Variants in PPP3CA observed in about 807,000 individuals in gnomAD.
PPP3CA encodes the protein CAM-PRP catalytic subunit.
A neutral mutation model predicts 66.5 loss-of-function variants in PPP3CA; 14 were observed. The ratio of observed to expected loss-of-function variants is 0.21; its 90% CI spans 0.14 to 0.33. The LOEUF is 0.33. Ranked by LOEUF, PPP3CA falls within the 10% of genes least tolerant of loss-of-function variation. PPP3CA has a pLI of 1.00. For missense variants in PPP3CA, 317 were observed against 639.5 expected, an observed-to-expected ratio of 0.50 and a Z score of 5.44; for synonymous variants, 232 against 226.2, an observed-to-expected ratio of 1.03 and a Z score of -0.23.
Position 101,202,116 on chromosome 4 carries a change from G to C in PPP3CA, c.59-6000C>G, listed in dbSNP as rs996204096. Among the ~76,000 whole-genome samples, 10 of 152,266 alleles carry C rather than the reference G, an allele frequency of 6.6e-5. No homozygotes were observed. The East Asian group carries it at 1.9e-3, about 29-fold the overall frequency. Reference sequence around the variant, plus strand: ...AATATATAAGTAGTAAGAAAAAATTGTGTCTCTCTATCCTAAGGTTATGTC... The same window carrying C: ...AATATATAAGTAGTAAGAAAAAATTCTGTCTCTCTATCCTAAGGTTATGTC... On this transcript the variant is annotated intron_variant, in intron 1 of 13. Coordinates refer to ENST00000394854, the MANE Select transcript of PPP3CA (RefSeq NM_000944.5).
intron 1 of PPP3CA, among the ~76,000 whole-genome samples, chr4:101,313,907 T>C (rs182284120): frequency 1.3e-5 from 2 of 152,348 alleles, no homozygotes; most frequent in Admixed American, 1.3e-4. Context: ...AGCTGATTAG[T>C]GAACATATAA....
intron 10 of PPP3CA, among the ~76,000 whole-genome samples, chr4:101,056,892 C>T (rs1359940684): frequency 6.6e-6 from 1 of 151,482 alleles, no homozygotes; most frequent in Non-Finnish European, 1.5e-5. Context: ...ACAGTATTCC[C>T]AAAGAAAACC....
chr4:101,124,799 GAGAAA>G, intron 2 of PPP3CA, among the ~76,000 whole-genome samples: 1 of 100,324 alleles, frequency 1.0e-5, no homozygotes, highest in Admixed American at 9.0e-5. Flanking sequence ...AAGAAAGAAA[GAGAAA>G]ACTGTATTGG....
At chr4:101,222,120 T>C (rs976066938) in intron 1 of PPP3CA, among the ~76,000 whole-genome samples, 4 of 151,686 alleles carry the variant, frequency 2.6e-5, no homozygotes, top group Non-Finnish European at 5.9e-5. Context: ...CTTTAAATCA[T>C]TGCAATCATT....
At chr4:101,099,825 A>T in intron 3 of PPP3CA, 103 bp from the exon 4 acceptor site, 1 of 526,510 alleles carries the variant, frequency 1.9e-6, no homozygotes, top group South Asian at 5.3e-5. Flanking sequence ...TATTACCATG[A>T]CCAAAAGTCC....
intron 1 of PPP3CA, among the ~76,000 whole-genome samples, chr4:101,345,782 A>G (rs573914719): frequency 4.6e-5 from 7 of 152,298 alleles, no homozygotes; most frequent in Admixed American, 1.3e-4. Flanking sequence ...CATCCTTGCC[A>G]GGAGTTTATC....
chr4:101,238,731 T>C (rs914373996), intron 1 of PPP3CA, among the ~76,000 whole-genome samples: 8 of 152,056 alleles, frequency 5.3e-5, no homozygotes, highest in Non-Finnish European at 1.0e-4. Context: ...ATCGTTTTGG[T>C]GGGAAGCGCT....
intron 2 of PPP3CA, among the ~76,000 whole-genome samples, chr4:101,152,385 C>T (rs1411378758): frequency 6.6e-6 from 1 of 152,086 alleles, no homozygotes; most frequent in Non-Finnish European, 1.5e-5. Flanking sequence ...ATCTATAATG[C>T]TTTTGGATAT....
intron 1 of PPP3CA, among the ~76,000 whole-genome samples, chr4:101,300,170 A>G (rs1047801044): frequency 6.6e-6 from 1 of 152,210 alleles, no homozygotes; most frequent in Non-Finnish European, 1.5e-5. Context: ...AATCAGACAA[A>G]TAAGCTACAA....
intron 1 of PPP3CA, among the ~76,000 whole-genome samples, chr4:101,260,132 G>A (rs1726965661): frequency 6.6e-6 from 1 of 152,088 alleles, no homozygotes; most frequent in Non-Finnish European, 1.5e-5. Context: ...ACAGGCTTCT[G>A]AATACGGGGC....
chr4:101,063,704 G>A (rs1728567158), intron 8 of PPP3CA, among the ~76,000 whole-genome samples: 1 of 151,756 alleles, frequency 6.6e-6, no homozygotes, highest in African/African-American at 2.4e-5. Context: ...AATAAAAGTG[G>A]CACAGCTAAG....
intron 1 of PPP3CA, among the ~76,000 whole-genome samples, chr4:101,255,917 T>G (rs1726825391): frequency 6.6e-6 from 1 of 151,942 alleles, no homozygotes; most frequent in African/African-American, 2.4e-5. Flanking sequence ...TTTACTGTTC[T>G]CACCTTTCTC....
At chr4:101,135,304 T>A (rs1430777983) in intron 2 of PPP3CA, among the ~76,000 whole-genome samples, 1 of 151,128 alleles carries the variant, frequency 6.6e-6, no homozygotes, top group East Asian at 1.9e-4. Flanking sequence ...ACCTGAAAAA[T>A]GTCCTGGAAA....
chr4:101,256,355 T>C (rs1191393311), intron 1 of PPP3CA, among the ~76,000 whole-genome samples: 1 of 152,010 alleles, frequency 6.6e-6, no homozygotes, highest in Non-Finnish European at 1.5e-5. Flanking sequence ...TCAGCTATTG[T>C]TCATTCTGGC....
chr4:101,173,718 CCT>C lies in PPP3CA; in HGVS notation c.259+22196_259+22197del, dbSNP rs554752741. ...TTTAGCTAAATTAATATAATAATAA[CCT>C]CTCTGTTTTATATTTGGAATTTTGC... On this transcript the variant is annotated intron_variant, in intron 2 of 13. Coordinates refer to ENST00000394854, the MANE Select transcript of PPP3CA (RefSeq NM_000944.5). 2.4e-3 allele frequency among the ~76,000 whole-genome samples: 360 copies of C among 151,972 alleles called. 4 individuals carry two copies. The highest frequency in any genetic ancestry group is 8.2e-3 in the African/African-American group (340 of 41,446).
chr4:101,305,161 G>C (rs1231740006), intron 1 of PPP3CA, among the ~76,000 whole-genome samples: 3 of 152,186 alleles, frequency 2.0e-5, no homozygotes, highest in Non-Finnish European at 4.4e-5. Context: ...TCTGAAATCA[G>C]AGCAAATGAT....
At chr4:101,269,119 C>T (rs1249732498) in intron 1 of PPP3CA, among the ~76,000 whole-genome samples, 2 of 152,132 alleles carry the variant, frequency 1.3e-5, no homozygotes, top group Non-Finnish European at 2.9e-5. Flanking sequence ...TTGAGATCCA[C>T]TGCTGTAAGA....
chr4:101,270,149 T>C (rs1727292060), intron 1 of PPP3CA, among the ~76,000 whole-genome samples: 1 of 152,212 alleles, frequency 6.6e-6, no homozygotes, highest in Non-Finnish European at 1.5e-5. Context: ...TTTAAGAGGT[T>C]CTGAGTTTGT....
chr4:101,272,439 C>T (rs182369591), intron 1 of PPP3CA, among the ~76,000 whole-genome samples: 1 of 152,208 alleles, frequency 6.6e-6, no homozygotes, highest in East Asian at 1.9e-4. Flanking sequence ...ATACAAGATA[C>T]GTAGGACAAT....
Sources: gnomAD v4.1 joint callset for allele counts (sites outside exome capture counted in the v4.1 genomes callset) on GRCh38, gnomAD v4.1.1 for gene constraint, MANE v1.5 for transcripts, NCBI Gene and HGNC (gene_info 2026-07-23, HGNC 2026-07-21) for gene names.